The following KHDRBS2 variants were observed in gnomAD, a reference collection of about 807,000 sequenced individuals.
KHDRBS2 encodes the protein KH domain-containing, RNA-binding, signal transduction-associated protein 2.
In KHDRBS2, 26 loss-of-function variants were observed where a neutral mutation model predicts 44.3. The observed-to-expected ratio is 0.59, with a 90% CI of 0.43 to 0.81. The LOEUF is 0.81. Among genes scored for constraint, KHDRBS2 ranks in the 40% least tolerant of loss-of-function variants. The pLI, the probability that KHDRBS2 is intolerant of heterozygous loss-of-function variation, is 0.00. For synonymous variants in KHDRBS2, 194 were observed against 151.1 expected (o/e 1.28, Z -2.08); for missense variants, 476 against 433.1 (o/e 1.10, Z -0.88).
chr6:62,197,375 C>T (rs1329308545), intron 1 of KHDRBS2, among the ~76,000 whole-genome samples: 1 of 152,032 alleles, frequency 6.6e-6, no homozygotes, highest in Non-Finnish European at 1.5e-5. Flanking sequence ...TGGTTACAAT[C>T]AAATCAGCAT....
At chr6:61,762,955 G>T (rs753607000) in intron 6 of KHDRBS2, among the ~76,000 whole-genome samples, 4 of 152,168 alleles carry the variant, frequency 2.6e-5, no homozygotes, top group Non-Finnish European at 4.4e-5. Context: ...GGGGTAGAGA[G>T]AAGGCAGTTC....
chr6:62,144,977 C>A lies in KHDRBS2; in HGVS notation c.219+32208G>T, dbSNP rs182027056. 7.6e-4 allele frequency among the ~76,000 whole-genome samples: 115 copies of A among 152,058 alleles called. 1 individual carries two copies. The highest frequency in any genetic ancestry group is 2.6e-3 in the African/African-American group (106 of 41,546). On this transcript the variant is annotated intron_variant, in intron 2 of 8. Transcript: ENST00000281156. ...ACAGGATTCATAATTGAATTTATAT[C>A]TTTAAAAGATCCCCCACTGCTGGTT...
At chr6:61,772,413 A>T (rs1781087990) in intron 6 of KHDRBS2, among the ~76,000 whole-genome samples, 1 of 152,334 alleles carries the variant, frequency 6.6e-6, no homozygotes, top group East Asian at 1.9e-4. Flanking sequence ...CAAAATTGAT[A>T]GACCGCTAGC....
chr6:61,735,548 C>T (rs1775198401), intron 6 of KHDRBS2, among the ~76,000 whole-genome samples: 1 of 152,050 alleles, frequency 6.6e-6, no homozygotes, highest in South Asian at 2.1e-4. Flanking sequence ...ATGATTATAT[C>T]TGTTTAGTGT....
chr6:62,168,908 T>C (rs1819243227), intron 2 of KHDRBS2, among the ~76,000 whole-genome samples: 1 of 151,490 alleles, frequency 6.6e-6, no homozygotes, highest in Non-Finnish European at 1.5e-5. Context: ...TGTATTATGA[T>C]GCTGACTGTA....
chr6:62,151,189 C>T (rs539080463), intron 2 of KHDRBS2, among the ~76,000 whole-genome samples: 2 of 152,250 alleles, frequency 1.3e-5, no homozygotes, highest in East Asian at 3.9e-4. Flanking sequence ...TTTCCCTTAG[C>T]TTCAGTTTCC....
At chr6:61,684,808 T>G (rs964258090) in intron 8 of KHDRBS2, among the ~76,000 whole-genome samples, 4 of 151,642 alleles carry the variant, frequency 2.6e-5, no homozygotes, top group Non-Finnish European at 4.4e-5. Flanking sequence ...AATCAGGATA[T>G]GAGAAACAGA....
intron 4 of KHDRBS2, among the ~76,000 whole-genome samples, chr6:61,930,043 G>C (rs923648584): frequency 6.6e-5 from 10 of 152,176 alleles, no homozygotes; most frequent in Non-Finnish European, 1.2e-4. Context: ...GAGCCTTCAT[G>C]GATAAAATTA....
the KHDRBS2 span, among the ~76,000 whole-genome samples, chr6:61,561,709 A>G: frequency 6.6e-6 from 1 of 152,140 alleles, no homozygotes; most frequent in Admixed American, 6.6e-5. Context: ...GCTTGTGGTG[A>G]ATGCTGCCAG....
At chr6:61,681,354 G>A (rs564654653) in intron 8 of KHDRBS2, among the ~76,000 whole-genome samples, 3 of 151,636 alleles carry the variant, frequency 2.0e-5, no homozygotes, top group African/African-American at 4.8e-5. Flanking sequence ...TAAATAAATT[G>A]GATATAGGAA....
chr6:61,669,469 A>C, the KHDRBS2 span, among the ~76,000 whole-genome samples: 1 of 150,832 alleles, frequency 6.6e-6, no homozygotes, highest in African/African-American at 2.4e-5. Flanking sequence ...ACAACTTCTA[A>C]AGGCTACATT....
rs9363882 is a variant in KHDRBS2, at chr6:62,150,634, C to T, written c.219+26551G>A. Reference sequence around the variant, plus strand: ...GGAATCTGAATTATTTAGAAAAATACTTGAACCAACTGTACAACTTTCGAA... The same window carrying T: ...GGAATCTGAATTATTTAGAAAAATATTTGAACCAACTGTACAACTTTCGAA... On this transcript the variant is annotated intron_variant, in intron 2 of 8. Coordinates refer to ENST00000281156, the MANE Select transcript of KHDRBS2 (RefSeq NM_152688.4). Among the ~76,000 whole-genome samples the T allele has an allele frequency of 0.019, 2,856 of 152,266 alleles. 271 individuals are homozygous for T. The East Asian group carries it at 0.28, about 15-fold the overall frequency.
intron 2 of KHDRBS2, among the ~76,000 whole-genome samples, chr6:62,071,679 T>C (rs867030441): frequency 1.3e-5 from 2 of 152,280 alleles, no homozygotes; most frequent in Middle Eastern, 6.8e-3. Flanking sequence ...CTGAGAGCTC[T>C]GTTCTGTTCC....
At chr6:61,895,076 A>C (rs1802701360) in intron 5 of KHDRBS2, among the ~76,000 whole-genome samples, 1 of 151,952 alleles carries the variant, frequency 6.6e-6, no homozygotes, top group Admixed American at 6.6e-5. Flanking sequence ...AAAACCATGT[A>C]AAATACTTTG....
chr6:62,059,198 G>GTTTT (rs398001756), intron 2 of KHDRBS2, among the ~76,000 whole-genome samples: 641 of 24,822 alleles, frequency 0.026, 258 homozygotes, highest in East Asian at 0.056. Context: ...AAGTTAGGAA[G>GTTTT]TTTTTTTTTT....
chr6:61,955,072 ACGTG>A (rs1328074496), intron 4 of KHDRBS2, among the ~76,000 whole-genome samples: 2 of 142,754 alleles, frequency 1.4e-5, no homozygotes, highest in African/African-American at 5.1e-5. Flanking sequence ...ATACACATAT[ACGTG>A]TGTATGTATG....
At chr6:61,781,237 T>C (rs1212239404) in intron 6 of KHDRBS2, among the ~76,000 whole-genome samples, 1 of 152,178 alleles carries the variant, frequency 6.6e-6, no homozygotes, top group Non-Finnish European at 1.5e-5. Context: ...GATTATAATT[T>C]AGCATCCCAG....
chr6:62,211,939 A>G (rs909814249), intron 1 of KHDRBS2, among the ~76,000 whole-genome samples: 11 of 152,350 alleles, frequency 7.2e-5, no homozygotes, highest in Non-Finnish European at 4.4e-5. Context: ...GGATAAAGAA[A>G]ATGTAGTACA....
chr6:61,912,321 C>T (rs1006441706), intron 4 of KHDRBS2, among the ~76,000 whole-genome samples: 1 of 152,054 alleles, frequency 6.6e-6, no homozygotes, highest in Non-Finnish European at 1.5e-5. Flanking sequence ...GAAAAGAACA[C>T]AGATTTATAT....
Sources: allele counts gnomAD v4.1 joint callset (sites outside exome capture counted in the v4.1 genomes callset), GRCh38; gene constraint gnomAD v4.1.1; transcripts MANE v1.5; gene names NCBI Gene and HGNC (gene_info 2026-07-23, HGNC 2026-07-21).